PSTPIP1: variants seen among roughly 807,000 people sequenced by gnomAD.
The protein encoded by PSTPIP1 is proline-serine-threonine phosphatase interacting protein 1, also known as proline-serine-threonine phosphatase-interacting protein 1.
A neutral mutation model predicts 69.6 loss-of-function variants in PSTPIP1; 66 were observed. The ratio of observed to expected loss-of-function variants is 0.95; its 90% CI spans 0.78 to 1.16. PSTPIP1 has a LOEUF of 1.16. Among genes scored for constraint, PSTPIP1 ranks in the 50% most tolerant of loss-of-function variants. The probability of loss-of-function intolerance (pLI) is 0.00; values close to 1 mark genes in which losing one functional copy is unlikely to be tolerated. For synonymous variants in PSTPIP1, 266 were observed against 222.7 expected (o/e 1.19, Z -1.73); for missense variants, 603 against 557.4 (o/e 1.08, Z -0.82).
chr15:77,009,191 A>G (rs1719105570), intron 1 of PSTPIP1, among the ~76,000 whole-genome samples: 1 of 152,158 alleles, frequency 6.6e-6, no homozygotes, highest in Non-Finnish European at 1.5e-5. Context: ...CTAGCCCCCC[A>G]GGCACGGAAG....
At chr15:77,025,970 A>G (rs1378557994) in intron 5 of PSTPIP1, 1 of 421,350 alleles carries the variant, frequency 2.4e-6, no homozygotes, top group Non-Finnish European at 4.8e-6. Context: ...GAGTCCAAGG[A>G]TCAGGGCTGA....
At chr15:77,008,701 C>T (rs918658664) in intron 1 of PSTPIP1, among the ~76,000 whole-genome samples, 3 of 152,186 alleles carry the variant, frequency 2.0e-5, no homozygotes, top group African/African-American at 4.8e-5. Flanking sequence ...TGAGCCACTG[C>T]GCCCAGCATT....
intron 1 of PSTPIP1, among the ~76,000 whole-genome samples, chr15:77,013,281 A>G (rs1473738586): frequency 6.6e-6 from 1 of 152,104 alleles, no homozygotes; most frequent in African/African-American, 2.4e-5. Context: ...CTCTCATTCA[A>G]TTTAAAGCTC....
chr15:77,032,976 A>C, intron 12 of PSTPIP1, 24 bp downstream of exon 12: 1 of 1,575,872 alleles, frequency 6.3e-7, no homozygotes, highest in Non-Finnish European at 8.6e-7. Context: ...AGACGGAGGG[A>C]GGGCCTAAGG....
rs754499321 is a variant in PSTPIP1 at position 76,995,556 on chromosome 15, C to T, written c.-18C>T. The T allele has an allele frequency of 2.2e-5, 35 of 1,613,748 alleles. No individual in the cohort carries two copies. Among genetic ancestry groups the T allele is most frequent in the Admixed American group, 1.3e-4 (8 of 60,010 alleles). ...CCTGTGGCAGGAGAGTGAGCTTTGCCGCGGCAGACGCCTGAGGATGATGCC... is the reference window on the plus strand; with the variant it reads ...CCTGTGGCAGGAGAGTGAGCTTTGCTGCGGCAGACGCCTGAGGATGATGCC... On this transcript the variant is annotated 5_prime_UTR_variant, in exon 1 of 15. Transcript: ENST00000558012.
rs753370729 is a variant in PSTPIP1 at position 76,995,482 on chromosome 15, T to C, written c.-92T>C. 4.6e-5 allele frequency: 74 copies of C among 1,605,992 alleles called. No homozygotes were observed. The highest frequency in any genetic ancestry group is 5.6e-5 in the Non-Finnish European group (66 of 1,176,588). The stretch of plus-strand genomic sequence containing the variant: ...CGGGAAGGGGGGCCTGGGCCAGCCC[T>C]GCCAGGACTGGGACGCTGCTGCTGG... On this transcript the variant is annotated 5_prime_UTR_variant, in exon 1 of 15. Coordinates refer to ENST00000558012, the MANE Select transcript of PSTPIP1 (RefSeq NM_003978.5).
intron 3 of PSTPIP1, chr15:77,023,462 GCAGCTAGCGTAGGA>G (rs1033238025): frequency 2.6e-4 from 40 of 152,916 alleles, no homozygotes; most frequent in African/African-American, 7.9e-4. Context: ...AGCGGTGGTG[GCAGCTAGCGTAGGA>G]CAGTCACGAG....
chr15:77,001,572 G>A (rs2075708563), intron 1 of PSTPIP1, among the ~76,000 whole-genome samples: 1 of 152,238 alleles, frequency 6.6e-6, no homozygotes, highest in South Asian at 2.1e-4. Context: ...GGGAGAGAGA[G>A]GCCCTGGCCA....
chr15:77,013,440 A>C (rs1216696868), intron 1 of PSTPIP1, among the ~76,000 whole-genome samples: 1 of 152,126 alleles, frequency 6.6e-6, no homozygotes, highest in Admixed American at 6.5e-5. Context: ...GTGACTGTAA[A>C]GGGGAGAAAC....
chr15:77,001,556 G>A (rs751761730), intron 1 of PSTPIP1, among the ~76,000 whole-genome samples: 1 of 152,236 alleles, frequency 6.6e-6, no homozygotes, highest in Admixed American at 6.5e-5. Context: ...AGACAGTGCA[G>A]GAGGTGGGAG....
intron 1 of PSTPIP1, among the ~76,000 whole-genome samples, chr15:77,013,190 C>A (rs2075980701): frequency 6.6e-6 from 1 of 152,200 alleles, no homozygotes; most frequent in South Asian, 2.1e-4. Context: ...GTCTTGCTTC[C>A]CCACCTGTGG....
rs186088669 is a variant in PSTPIP1, at chr15:77,027,680, T to C, written c.355-172T>C. 5.4e-6 allele frequency: 4 copies of C among 739,054 alleles called. No homozygotes were observed. Among genetic ancestry groups the C allele is most frequent in the Middle Eastern group, 2.3e-4 (1 of 4,314 alleles). 45.8% of individuals were successfully genotyped at this position (739,054 alleles called of 1,614,324 possible). A position where few individuals can be genotyped will look rare whatever the true frequency, so the allele number is the denominator to read the frequency against. On this transcript the variant is annotated intron_variant, in intron 5 of 14. Transcript: ENST00000558012. The surrounding 1 kb of genome is among the most constrained non-coding windows in gnomAD (Gnocchi z 4.3). ...CCCTGTGATTCTCTGTGGCCTTCCA[T>C]TGTGAGGGTCACTGTGAAGCAGCAG...
At chr15:77,026,091 A>G in intron 5 of PSTPIP1, 1 of 456,434 alleles carries the variant, frequency 2.2e-6, no homozygotes, top group Non-Finnish European at 4.4e-6. Context: ...CTTAGCATCC[A>G]AAGGTACTTC....
At chr15:77,015,081 AC>A (rs1258428555) in intron 1 of PSTPIP1, among the ~76,000 whole-genome samples, 1 of 152,136 alleles carries the variant, frequency 6.6e-6, no homozygotes, top group East Asian at 1.9e-4. Flanking sequence ...CACTCCTCTG[AC>A]CCAGCCTGGG....
At chr15:77,033,393 A>G (rs542724631) in intron 12 of PSTPIP1, among the ~76,000 whole-genome samples, 3 of 152,234 alleles carry the variant, frequency 2.0e-5, no homozygotes, top group African/African-American at 4.8e-5. Context: ...CTGGGCCTCA[A>G]TGTGTGACCT....
intron 3 of PSTPIP1, among the ~76,000 whole-genome samples, chr15:77,021,753 A>G (rs1212296589): frequency 6.6e-6 from 1 of 152,102 alleles, no homozygotes; most frequent in Non-Finnish European, 1.5e-5. Context: ...CCCTGCAGAG[A>G]CTTTGCCTGA....
intron 1 of PSTPIP1, among the ~76,000 whole-genome samples, chr15:77,012,081 T>C (rs2075946056): frequency 6.6e-6 from 1 of 152,052 alleles, no homozygotes; most frequent in Non-Finnish European, 1.5e-5. Flanking sequence ...ATACTCTGGG[T>C]AAGCAACCGC....
intron 3 of PSTPIP1, among the ~76,000 whole-genome samples, chr15:77,019,961 A>G (rs998334127): frequency 2.6e-5 from 4 of 152,176 alleles, no homozygotes; most frequent in African/African-American, 9.7e-5. Context: ...ACTTTCCCAG[A>G]AAGAGAGGGT....
At position 76,995,476 on chromosome 15, in the gene PSTPIP1, C is replaced by T; in HGVS notation, c.-98C>T. 6.3e-7 allele frequency: 1 copy of T among 1,599,918 alleles called. No individual in the cohort carries two copies. Among genetic ancestry groups the T allele is most frequent in the South Asian group, 1.1e-5 (1 of 89,842 alleles). On this transcript the variant is annotated 5_prime_UTR_variant, in exon 1 of 15. Transcript: ENST00000558012. Reference sequence around the variant, plus strand: ...GCCGGCCGGGAAGGGGGGCCTGGGCCAGCCCTGCCAGGACTGGGACGCTGC... The same window carrying T: ...GCCGGCCGGGAAGGGGGGCCTGGGCTAGCCCTGCCAGGACTGGGACGCTGC...
Sources: gnomAD v4.1 joint callset for allele counts (sites outside exome capture counted in the v4.1 genomes callset) on GRCh38, gnomAD v4.1.1 for gene constraint, Gnocchi (gnomAD v3.1) non-coding constraint, MANE v1.5 for transcripts, NCBI Gene and HGNC (gene_info 2026-07-23, HGNC 2026-07-21) for gene names.